WDR20: variants seen among roughly 807,000 people sequenced by gnomAD.
WDR20 encodes the protein WD repeat domain 20, also known as WD repeat-containing protein 20.
Under a neutral mutation model 38.7 loss-of-function variants are expected in WDR20, and 3 were observed. That is an observed-to-expected ratio of 0.08 (90% CI 0.04 to 0.20). WDR20 has a LOEUF of 0.20. WDR20 is among the 10% of genes least tolerant of loss of function. The probability of loss-of-function intolerance (pLI) is 1.00; values close to 1 mark genes in which losing one functional copy is unlikely to be tolerated. For missense variants in WDR20, 559 were observed against 727.7 expected, an observed-to-expected ratio of 0.77 and a Z score of 2.67; for synonymous variants, 298 against 285.6, an observed-to-expected ratio of 1.04 and a Z score of -0.44.
chr14:102,161,140 A>ATTTTTTT (rs1369897890), intron 1 of WDR20, among the ~76,000 whole-genome samples: 2 of 10,800 alleles, frequency 1.9e-4, no homozygotes, highest in African/African-American at 7.7e-4. Context: ...ATATATATAT[A>ATTTTTTT]TATTTTTTTT....
At chr14:102,148,870 A>T (rs1410397854) in intron 1 of WDR20, among the ~76,000 whole-genome samples, 1 of 152,112 alleles carries the variant, frequency 6.6e-6, no homozygotes, top group African/African-American at 2.4e-5. Flanking sequence ...TTTTTAAAAA[A>T]TTTTTTGTAG....
chr14:102,142,774 CTTTTTT>C (rs71116885), intron 1 of WDR20, among the ~76,000 whole-genome samples: 73 of 85,018 alleles, frequency 8.6e-4, no homozygotes, highest in African/African-American at 2.6e-3. Flanking sequence ...GCTGTTTTGA[CTTTTTT>C]TTTTTTTTTT....
chr14:102,166,696 T>C lies in WDR20; in HGVS notation c.249+26524T>C, dbSNP rs564184235. ...TATTTGTTTTTGCCCTAATTTTGTT[T>C]TGAGGATTGGACAGTTTATTTTGGT... is the stretch of plus-strand genomic sequence containing the variant. On this transcript the variant is annotated intron_variant, in intron 1 of 2. Coordinates refer to ENST00000342702, the MANE Select transcript of WDR20 (RefSeq NM_144574.4). Among the ~76,000 whole-genome samples the C allele has an allele frequency of 1.2e-4, 19 of 152,340 alleles. 1 individual carries two copies. Among genetic ancestry groups the C allele is most frequent in the African/African-American group, 4.6e-4 (19 of 41,578 alleles).
Position 102,147,344 on chromosome 14 carries a change from G to T in WDR20, c.249+7172G>T, listed in dbSNP as rs983031412. Among the ~76,000 whole-genome samples the T allele has an allele frequency of 7.9e-5, 12 of 152,318 alleles. No homozygotes were observed. The East Asian group carries it at 2.3e-3, about 29-fold the overall frequency. ...GTGGAGGTTGCAGTGAGCCAAGATC[G>T]TGCCAGTGCACTCCAGCCTGGGCAA... On this transcript the variant is annotated intron_variant, in intron 1 of 2. Coordinates refer to ENST00000342702, the MANE Select transcript of WDR20 (RefSeq NM_144574.4).
chr14:102,148,993 C>G (rs2054736342), intron 1 of WDR20, among the ~76,000 whole-genome samples: 1 of 152,146 alleles, frequency 6.6e-6, no homozygotes. Flanking sequence ...CACCCCCTCT[C>G]TACTAAAAAT....
intron 2 of WDR20, among the ~76,000 whole-genome samples, chr14:102,200,467 T>TTTTTTTTTGTG (rs748066838): frequency 8.5e-6 from 1 of 117,688 alleles, no homozygotes; most frequent in African/African-American, 3.1e-5. Flanking sequence ...ATTTTTTTTT[T>TTTTTTTTTGTG]TGTGTGTGTG....
At chr14:102,172,547 ACCTC>A (rs1159730665) in intron 1 of WDR20, among the ~76,000 whole-genome samples, 1 of 91,878 alleles carries the variant, frequency 1.1e-5, no homozygotes, top group Non-Finnish European at 2.2e-5. Context: ...CTGACCCCCC[ACCTC>A]CCTCCCGGAC....
chr14:102,171,687 T>C (rs938784312), intron 1 of WDR20, among the ~76,000 whole-genome samples: 3 of 151,792 alleles, frequency 2.0e-5, no homozygotes, highest in Non-Finnish European at 4.4e-5. Flanking sequence ...TTCCCAAAGA[T>C]CTTATCTTTC....
At chr14:102,173,960 T>C (rs907087024) in intron 1 of WDR20, among the ~76,000 whole-genome samples, 12 of 149,834 alleles carry the variant, frequency 8.0e-5, no homozygotes, top group Non-Finnish European at 1.5e-4. Flanking sequence ...AGGAGAATGG[T>C]GTGAACCCGG....
chr14:102,163,627 CAAAAAAAAAAA>C (rs58628061), intron 1 of WDR20, among the ~76,000 whole-genome samples: 1 of 62,834 alleles, frequency 1.6e-5, no homozygotes, highest in African/African-American at 7.9e-5. Flanking sequence ...GACTCTGTCT[CAAAAAAAAAAA>C]AAAAAAAAAA....
At chr14:102,201,988 TCCTGCCTCTG>T (rs1374764126) in intron 2 of WDR20, among the ~76,000 whole-genome samples, 2 of 152,018 alleles carry the variant, frequency 1.3e-5, no homozygotes, top group African/African-American at 4.8e-5. Context: ...ACCAGAGCCT[TCCTGCCTCTG>T]CCTGTCTCTG....
chr14:102,213,156 T>G (rs2062769081), downstream of WDR20: 1 of 985,750 alleles, frequency 1.0e-6, no homozygotes, highest in Admixed American at 6.1e-5. Flanking sequence ...AGATTTGTGC[T>G]GTGACTGCGA....
At chr14:102,143,823 G>A (rs184069369) in intron 1 of WDR20, among the ~76,000 whole-genome samples, 1,819 of 151,858 alleles carry the variant, frequency 0.012, 16 homozygotes, top group Middle Eastern at 0.02. Flanking sequence ...GATTACAGGC[G>A]TGAGCCACTG....
At position 102,208,832 on chromosome 14, in the gene WDR20, G is replaced by A; in HGVS notation, c.662G>A (p.Gly221Glu). 1.9e-6 allele frequency: 3 copies of A among 1,614,170 alleles called. No homozygotes were observed. The highest frequency in any genetic ancestry group is 1.1e-5 in the South Asian group (1 of 91,078). Residue 221 changes from glycine to glutamate, a missense_variant, in exon 3 of 3, where the codon GGG becomes GAG. Gly to Glu is a moderately conservative substitution (Grantham distance 98, BLOSUM62 -2). Transcript: ENST00000342702. The surrounding 1 kb of genome is among the most constrained non-coding windows in gnomAD (Gnocchi z 5.6). ...CTCCTTAAGTGGACGGTGGGCGAGG[G>A]GGCCCTCAACGAGTTTGCTTTCTCC... ...NPLLKWTVGE[G>E]ALNEFAFSPD...
rs1013870743 is a variant in WDR20 at position 102,139,909 on chromosome 14, A to C, written c.-15A>C. On this transcript the variant is annotated 5_prime_UTR_variant, in exon 1 of 3. Transcript: ENST00000342702. ...GATCCGGGCACTTAGGGCAGGATGA[A>C]CGCTGCTTTCCAAGATGGCGACGGA... The C allele has an allele frequency of 5.6e-6, 9 of 1,610,998 alleles. No individual in the cohort carries two copies. The highest frequency in any genetic ancestry group is 4.5e-5 in the East Asian group (2 of 44,800).
At chr14:102,200,890 C>G (rs761886795) in intron 2 of WDR20, among the ~76,000 whole-genome samples, 1 of 152,180 alleles carries the variant, frequency 6.6e-6, no homozygotes, top group Admixed American at 6.5e-5. Context: ...GGCCCTGACT[C>G]CTGGGGTATG....
At chr14:102,165,366 A>G (rs1273993689) in intron 1 of WDR20, among the ~76,000 whole-genome samples, 1 of 152,132 alleles carries the variant, frequency 6.6e-6, no homozygotes, top group Non-Finnish European at 1.5e-5. Context: ...AATTTTTTTC[A>G]AAGAGTCAGC....
At chr14:102,139,560 A>G (rs556378506), upstream of WDR20, 28 of 802,794 alleles carry the variant, frequency 3.5e-5, no homozygotes, top group Admixed American at 8.8e-5. Flanking sequence ...TCATGACACC[A>G]GCCCCGCCGC....
chr14:102,169,020 C>T (rs2060311791), intron 1 of WDR20, among the ~76,000 whole-genome samples: 1 of 152,200 alleles, frequency 6.6e-6, no homozygotes, highest in Non-Finnish European at 1.5e-5. Flanking sequence ...AGAATAAGAT[C>T]TGAATTGCTT....
Sources: gnomAD v4.1 joint callset for allele counts (sites outside exome capture counted in the v4.1 genomes callset) on GRCh38, gnomAD v4.1.1 for gene constraint, Gnocchi (gnomAD v3.1) non-coding constraint, MANE v1.5 for transcripts, NCBI Gene and HGNC (gene_info 2026-07-23, HGNC 2026-07-21) for gene names.